Variants in UNC79 observed in about 807,000 individuals in gnomAD.
The protein encoded by UNC79 is unc-79 subunit of NALCN channel complex.
A neutral mutation model predicts 283.1 loss-of-function variants in UNC79; 37 were observed. The observed-to-expected ratio is 0.13, with a 90% CI of 0.10 to 0.17. UNC79 has a LOEUF of 0.17. UNC79 is among the 10% of genes least tolerant of loss of function. The pLI is 1.00. For synonymous variants in UNC79, 1,107 were observed against 1,200.2 expected (o/e 0.92, Z 1.61); for missense variants, 2,272 against 3,211.1 (o/e 0.71, Z 7.07).
At chr14:93,396,512 T>C (rs2055001156) in intron 1 of UNC79, among the ~76,000 whole-genome samples, 1 of 152,186 alleles carries the variant, frequency 6.6e-6, no homozygotes, top group South Asian at 2.1e-4. Context: ...TTTATTGTTC[T>C]TGTTGAAAGC....
chr14:93,629,874 C>T (rs1318466205), intron 30 of UNC79, among the ~76,000 whole-genome samples: 1 of 152,208 alleles, frequency 6.6e-6, no homozygotes, highest in African/African-American at 2.4e-5. Context: ...ATGGTGGTAA[C>T]TCCAAGCCAG....
chr14:93,403,930 C>T (rs2055162783), intron 1 of UNC79, among the ~76,000 whole-genome samples: 1 of 151,138 alleles, frequency 6.6e-6, no homozygotes, highest in South Asian at 2.1e-4. Context: ...TAAATATCAC[C>T]TAACAGTGTG....
intron 14 of UNC79, among the ~76,000 whole-genome samples, chr14:93,556,280 C>CA (rs148754717): frequency 1.9e-4 from 29 of 149,478 alleles, no homozygotes; most frequent in African/African-American, 3.9e-4. Context: ...TATGTAAACA[C>CA]AAAAAAAAAG....
intron 13 of UNC79, among the ~76,000 whole-genome samples, 160 bp downstream of exon 13, chr14:93,540,991 A>G (rs1271039842): frequency 6.6e-6 from 1 of 152,224 alleles, no homozygotes; most frequent in Non-Finnish European, 1.5e-5. Flanking sequence ...CCTGAGCTGC[A>G]TGTTAGATTT....
chr14:93,693,441 A>G (rs2074853760), intron 46 of UNC79, among the ~76,000 whole-genome samples: 1 of 152,242 alleles, frequency 6.6e-6, no homozygotes, highest in South Asian at 2.1e-4. Flanking sequence ...AATTTGTTGC[A>G]CATGAATTTT....
At chr14:93,540,927 T>G (rs2061342444) in intron 13 of UNC79, 96 bp downstream of exon 13, 2 of 1,520,126 alleles carry the variant, frequency 1.3e-6, no homozygotes. Flanking sequence ...AAGGAGTAAA[T>G]AGTGAAAAAT....
intron 40 of UNC79, among the ~76,000 whole-genome samples, chr14:93,664,523 G>A (rs964952984): frequency 6.6e-6 from 1 of 152,160 alleles, no homozygotes; most frequent in Non-Finnish European, 1.5e-5. Context: ...CAGGCAGGGA[G>A]TTTGATCTGA....
chr14:93,680,426 C>T (rs1229285787), intron 41 of UNC79, among the ~76,000 whole-genome samples: 1 of 152,176 alleles, frequency 6.6e-6, no homozygotes, highest in Non-Finnish European at 1.5e-5. Context: ...CCCCTTACCT[C>T]GCATAGTAGA....
chr14:93,517,664 AT>A (rs1319888873), intron 7 of UNC79, among the ~76,000 whole-genome samples: 4 of 151,792 alleles, frequency 2.6e-5, no homozygotes, highest in Non-Finnish European at 5.9e-5. Context: ...TTTTATGCCT[AT>A]TTTTTGTATT....
intron 1 of UNC79, among the ~76,000 whole-genome samples, chr14:93,462,009 T>C (rs1447494075): frequency 7.1e-6 from 1 of 141,274 alleles, no homozygotes; most frequent in African/African-American, 2.6e-5. Context: ...CAAAAACCGG[T>C]GTTAAGGAAA....
At chr14:93,581,879 T>C (rs1392958559) in intron 19 of UNC79, among the ~76,000 whole-genome samples, 1 of 152,226 alleles carries the variant, frequency 6.6e-6, no homozygotes, top group African/African-American at 2.4e-5. Flanking sequence ...TGGGTGAGAA[T>C]GACTTGATGA....
At chr14:93,604,805 C>T (rs2065768030) in intron 26 of UNC79, 91 bp from the exon 27 acceptor site, 3 of 1,276,256 alleles carry the variant, frequency 2.4e-6, no homozygotes, top group East Asian at 5.5e-5. Context: ...AAACCTGCCC[C>T]TACTATCCCA....
At chr14:93,706,296 A>T (rs1486769384) in intron 48 of UNC79, among the ~76,000 whole-genome samples, 1 of 152,102 alleles carries the variant, frequency 6.6e-6, no homozygotes, top group Admixed American at 6.5e-5. Flanking sequence ...ACGGACCAAT[A>T]AACCTTGTTC....
chr14:93,685,778 A>G (rs1189958450), intron 42 of UNC79, among the ~76,000 whole-genome samples: 1 of 152,232 alleles, frequency 6.6e-6, no homozygotes, highest in Non-Finnish European at 1.5e-5. Context: ...GCTTTGATAT[A>G]GCAGCCTGCT....
chr14:93,703,664 A>G (rs1466734738), intron 47 of UNC79, among the ~76,000 whole-genome samples: 1 of 152,236 alleles, frequency 6.6e-6, no homozygotes. Flanking sequence ...AATTCAATGC[A>G]TGACAACACT....
intron 14 of UNC79, among the ~76,000 whole-genome samples, chr14:93,566,706 C>T (rs905281574): frequency 2.7e-5 from 4 of 148,156 alleles, no homozygotes; most frequent in East Asian, 2.0e-4. Flanking sequence ...GGCATGATCT[C>T]GGCTCACTGC....
intron 38 of UNC79, among the ~76,000 whole-genome samples, chr14:93,658,429 T>C (rs1412539232): frequency 6.6e-6 from 1 of 152,224 alleles, no homozygotes; most frequent in Non-Finnish European, 1.5e-5. Flanking sequence ...TGCTTATTTT[T>C]TACTATCTTG....
rs564868109 is a variant in UNC79 at position 93,681,070 on chromosome 14, G to A, written c.6742-1547G>A. 2.2e-3 allele frequency among the ~76,000 whole-genome samples: 330 copies of A among 152,302 alleles called. 4 individuals are homozygous for A. The highest frequency in any genetic ancestry group is 7.6e-3 in the African/African-American group (316 of 41,556). Reference sequence around the variant, plus strand: ...AAACCTGGATAAGATCATAGAAAACGCTAGGTGTTCCCAGGATGTTACCAG... The same window carrying A: ...AAACCTGGATAAGATCATAGAAAACACTAGGTGTTCCCAGGATGTTACCAG... On this transcript the variant is annotated intron_variant, in intron 41 of 48. Transcript: ENST00000555664.
At chr14:93,691,722 C>G in intron 45 of UNC79, 27 bp from the exon 49 acceptor site, 1 of 1,612,228 alleles carries the variant, frequency 6.2e-7, no homozygotes. Flanking sequence ...GGATGCAATG[C>G]ACTGATGCCG....
Sources: allele counts gnomAD v4.1 joint callset (sites outside exome capture counted in the v4.1 genomes callset), GRCh38; gene constraint gnomAD v4.1.1; transcripts MANE v1.5; gene names NCBI Gene and HGNC (gene_info 2026-07-23, HGNC 2026-07-21).